CCSER1: variants seen among roughly 807,000 people sequenced by gnomAD.
The protein encoded by CCSER1 is coiled-coil serine rich protein 1, also known as serine-rich coiled-coil domain-containing protein 1.
CCSER1 carries 41 observed loss-of-function variants against 82.0 expected under a neutral mutation model. That is an observed-to-expected ratio of 0.50 (90% CI 0.39 to 0.65). The LOEUF (loss-of-function observed/expected upper bound fraction) is 0.65. Among genes scored for constraint, CCSER1 ranks in the 30% least tolerant of loss-of-function variants. The pLI, the probability that CCSER1 is intolerant of heterozygous loss-of-function variation, is 0.00. For missense variants in CCSER1, 1,119 were observed against 1,064.2 expected (o/e 1.05, Z -0.72); for synonymous variants, 414 against 383.9 (o/e 1.08, Z -0.92).
chr4:91,310,415 T>C (rs1045748215), intron 10 of CCSER1, among the ~76,000 whole-genome samples: 1 of 126,374 alleles, frequency 7.9e-6, no homozygotes, highest in Non-Finnish European at 1.7e-5. Flanking sequence ...AAAAAAAAAA[T>C]CTCATAATGT....
At chr4:91,416,994 A>G (rs985544730) in intron 10 of CCSER1, among the ~76,000 whole-genome samples, 1 of 152,192 alleles carries the variant, frequency 6.6e-6, no homozygotes, top group African/African-American at 2.4e-5. Flanking sequence ...CAAGGAGCTT[A>G]AACAAATTTA....
intron 5 of CCSER1, among the ~76,000 whole-genome samples, chr4:90,546,638 C>G (rs1776791415): frequency 6.6e-6 from 1 of 152,020 alleles, no homozygotes; most frequent in Admixed American, 6.6e-5. Flanking sequence ...CACATTTTAA[C>G]TCAGAAAATG....
intron 1 of CCSER1, among the ~76,000 whole-genome samples, chr4:90,233,757 T>G (rs1267343031): frequency 6.6e-6 from 1 of 151,288 alleles, no homozygotes; most frequent in South Asian, 2.1e-4. Context: ...GAAAAAGCAG[T>G]AGAAATCATG....
At chr4:91,236,308 A>T (rs1739003884) in intron 10 of CCSER1, among the ~76,000 whole-genome samples, 1 of 151,876 alleles carries the variant, frequency 6.6e-6, no homozygotes, top group Admixed American at 6.6e-5. Flanking sequence ...CAACATGGTG[A>T]AACCCCGTCT....
chr4:90,496,993 A>T, intron 5 of CCSER1, among the ~76,000 whole-genome samples: 1 of 149,944 alleles, frequency 6.7e-6, no homozygotes, highest in African/African-American at 2.4e-5. Context: ...AAAAAAAAAA[A>T]GAAAGAGAAA....
At chr4:90,445,037 T>TA (rs201494052) in intron 4 of CCSER1, among the ~76,000 whole-genome samples, 2,817 of 150,590 alleles carry the variant, frequency 0.019, 79 homozygotes, top group African/African-American at 0.064. Context: ...TTCCCTCAAT[T>TA]AAAAAAAAAC....
chr4:90,189,123 T>G (rs962474303), intron 1 of CCSER1, among the ~76,000 whole-genome samples: 1 of 152,030 alleles, frequency 6.6e-6, no homozygotes, highest in Non-Finnish European at 1.5e-5. Flanking sequence ...TTTTAAACTC[T>G]TTGACTGCGT....
chr4:90,852,831 A>G (rs1358943810), intron 8 of CCSER1, among the ~76,000 whole-genome samples: 1 of 152,190 alleles, frequency 6.6e-6, no homozygotes, highest in Non-Finnish European at 1.5e-5. Flanking sequence ...GAAACATATA[A>G]AAGTTTTTGT....
chr4:90,615,088 A>G (rs1190512269), intron 5 of CCSER1, among the ~76,000 whole-genome samples: 1 of 152,196 alleles, frequency 6.6e-6, no homozygotes, highest in African/African-American at 2.4e-5. Flanking sequence ...ATGACAACAC[A>G]TCTGATTACA....
intron 10 of CCSER1, among the ~76,000 whole-genome samples, chr4:91,094,604 A>G (rs1038714735): frequency 6.6e-5 from 10 of 152,170 alleles, no homozygotes; most frequent in African/African-American, 2.4e-4. Context: ...ATGAACCTGT[A>G]TTCCTTCAAG....
intron 10 of CCSER1, among the ~76,000 whole-genome samples, chr4:91,269,966 G>A (rs932905410): frequency 3.3e-5 from 5 of 152,070 alleles, no homozygotes; most frequent in African/African-American, 1.2e-4. Context: ...GAATTATATG[G>A]TAACAAAATC....
At chr4:90,523,926 T>C (rs1273925282) in intron 5 of CCSER1, among the ~76,000 whole-genome samples, 12 of 152,158 alleles carry the variant, frequency 7.9e-5, no homozygotes, top group Admixed American at 6.6e-4. Flanking sequence ...TTGAATAGCA[T>C]ATCCTGTGTA....
intron 8 of CCSER1, among the ~76,000 whole-genome samples, chr4:90,849,855 T>C (rs772631891): frequency 4.0e-5 from 6 of 148,560 alleles, no homozygotes; most frequent in Non-Finnish European, 8.9e-5. Flanking sequence ...TATGCAGAAA[T>C]TTGCATAAGG....
chr4:90,308,738 C>T lies in CCSER1; in HGVS notation c.454C>T (p.Leu152=). The change falls in exon 2 of 11, where the codon CTA becomes TTA. Residue 152 remains leucine (L), a synonymous_variant. Transcript: ENST00000509176. ...STNKNVFINC[L]SSGKSEGDDS... ...TAACAAGAATGTCTTTATAAATTGT[C>T]TAAGTTCTGGCAAAAGTGAAGGGGA... is the stretch of plus-strand genomic sequence containing the variant. 1 of 1,613,668 alleles carries T rather than the reference C, an allele frequency of 6.2e-7. No homozygotes were observed. The highest frequency in any genetic ancestry group is 1.1e-5 in the South Asian group (1 of 91,054).
At chr4:90,199,976 G>A (rs1578448805) in intron 1 of CCSER1, among the ~76,000 whole-genome samples, 1 of 151,670 alleles carries the variant, frequency 6.6e-6, no homozygotes, top group East Asian at 1.9e-4. Flanking sequence ...TTACTCCAAT[G>A]CAATATTTTT....
chr4:90,276,831 T>A (rs1727913842), intron 1 of CCSER1, among the ~76,000 whole-genome samples: 1 of 152,168 alleles, frequency 6.6e-6, no homozygotes, highest in South Asian at 2.1e-4. Context: ...CATTTCTAGG[T>A]ATTTAATGTT....
intron 10 of CCSER1, among the ~76,000 whole-genome samples, chr4:91,587,988 T>G (rs1764083263): frequency 6.6e-6 from 1 of 151,588 alleles, no homozygotes; most frequent in Admixed American, 6.6e-5. Flanking sequence ...GTTAAGATAT[T>G]AATAAAATGA....
At chr4:90,408,014 C>T (rs148974438) in intron 4 of CCSER1, among the ~76,000 whole-genome samples, 3,547 of 152,292 alleles carry the variant, frequency 0.023, 149 homozygotes, top group African/African-American at 0.081. Context: ...GAGGGTCCTA[C>T]GTCCACGGAG....
At chr4:90,567,090 T>G (rs1779493966) in intron 5 of CCSER1, among the ~76,000 whole-genome samples, 1 of 151,854 alleles carries the variant, frequency 6.6e-6, no homozygotes, top group Non-Finnish European at 1.5e-5. Context: ...CTACTTTCCA[T>G]TTCATTAGTT....
Sources: gnomAD v4.1 joint callset for allele counts (sites outside exome capture counted in the v4.1 genomes callset) on GRCh38, gnomAD v4.1.1 for gene constraint, MANE v1.5 for transcripts, NCBI Gene and HGNC (gene_info 2026-07-23, HGNC 2026-07-21) for gene names.